OSBP2: variants seen among roughly 807,000 people sequenced by gnomAD.
OSBP2 encodes oxysterol binding protein 2.
OSBP2 carries 66 observed loss-of-function variants against 96.0 expected under a neutral mutation model. The ratio of observed to expected loss-of-function variants is 0.69; its 90% CI spans 0.56 to 0.84. The LOEUF (loss-of-function observed/expected upper bound fraction) is 0.84, where lower values mean the gene tolerates loss of function less well. Ranked by LOEUF, OSBP2 falls within the 40% of genes least tolerant of loss-of-function variation. The probability of loss-of-function intolerance (pLI) is 0.00; values close to 1 mark genes in which losing one functional copy is unlikely to be tolerated. For missense variants in OSBP2, 1,038 were observed against 1,222.7 expected (o/e 0.85, Z 2.25); for synonymous variants, 525 against 520.9 (o/e 1.01, Z -0.11).
intron 2 of OSBP2, among the ~76,000 whole-genome samples, chr22:30,809,925 G>A (rs77639824): frequency 5.6e-4 from 86 of 152,258 alleles, no homozygotes; most frequent in African/African-American, 2.0e-3. Context: ...GTCTCTGGCT[G>A]GTGCCTAGGG....
chr22:30,847,796 T>C (rs923068105), intron 2 of OSBP2, among the ~76,000 whole-genome samples: 9 of 152,226 alleles, frequency 5.9e-5, no homozygotes, highest in African/African-American at 2.2e-4. Flanking sequence ...TCCTTGTTGT[T>C]CTTTGTCTGT....
At chr22:30,774,564 A>C (rs1479989076) in intron 2 of OSBP2, among the ~76,000 whole-genome samples, 1 of 152,240 alleles carries the variant, frequency 6.6e-6, no homozygotes, top group Non-Finnish European at 1.5e-5. Context: ...GTTTTGTAAA[A>C]ATATTTGATG....
chr22:30,728,268 T>C (rs1195219295), intron 1 of OSBP2, among the ~76,000 whole-genome samples: 7 of 150,456 alleles, frequency 4.7e-5, no homozygotes, highest in East Asian at 2.0e-4. Flanking sequence ...TGGTGGTGGG[T>C]GCCTGTGGTC....
intron 2 of OSBP2, among the ~76,000 whole-genome samples, chr22:30,804,906 A>G (rs2090906610): frequency 6.6e-6 from 1 of 152,166 alleles, no homozygotes; most frequent in Non-Finnish European, 1.5e-5. Context: ...GCAGTAGGAC[A>G]TCGTTTTTGT....
At chr22:30,742,379 C>T (rs1435057316) in intron 2 of OSBP2, among the ~76,000 whole-genome samples, 7 of 151,358 alleles carry the variant, frequency 4.6e-5, no homozygotes, top group Non-Finnish European at 1.0e-4. Flanking sequence ...TTGCAGTGAG[C>T]CAAGATTGCA....
chr22:30,866,183 G>C (rs899297853), intron 2 of OSBP2, among the ~76,000 whole-genome samples: 2 of 152,212 alleles, frequency 1.3e-5, no homozygotes, highest in Non-Finnish European at 2.9e-5. Flanking sequence ...GGATGTTGCA[G>C]ATACAATGAA....
Position 30,694,919 on chromosome 22 carries a change from G to A in OSBP2, c.10G>A (p.Ala4Thr), listed in dbSNP as rs752295297. Residue 4 changes from alanine to threonine, a missense_variant, in exon 1 of 14, where the codon GCG (alanine) becomes ACG (threonine). Transcript: ENST00000332585. MGK[A>T]AAPSRGGGCG... ...CGGGTCGGCCGGCTCTATGGGGAAA[G>A]CGGCGGCTCCGAGCCGAGGCGGCGG... is the stretch of plus-strand genomic sequence containing the variant. 21 of 1,437,256 alleles carry A rather than the reference G, an allele frequency of 1.5e-5. No individual in the cohort carries two copies. The highest frequency in any genetic ancestry group is 1.6e-5 in the Non-Finnish European group (18 of 1,101,888). 89.0% of individuals were successfully genotyped at this position (1,437,256 alleles called of 1,614,324 possible). A position where few individuals can be genotyped will look rare whatever the true frequency, so the allele number is the denominator to read the frequency against.
At chr22:30,769,307 T>A (rs149191412) in intron 2 of OSBP2, among the ~76,000 whole-genome samples, 29 of 152,298 alleles carry the variant, frequency 1.9e-4, no homozygotes, top group African/African-American at 5.3e-4. Context: ...GGACAAATAA[T>A]GTCTACATAA....
intron 2 of OSBP2, among the ~76,000 whole-genome samples, chr22:30,804,206 AG>A (rs2090895629): frequency 6.6e-6 from 1 of 152,026 alleles, no homozygotes; most frequent in South Asian, 2.1e-4. Flanking sequence ...GAGGAGAGGG[AG>A]TGGAGAGGGG....
Position 30,906,681 on chromosome 22 carries a change from T to C in OSBP2, c.*342T>C, listed in dbSNP as rs2040344008. On this transcript the variant is annotated 3_prime_UTR_variant, in exon 14 of 14. Coordinates refer to ENST00000332585, the MANE Select transcript of OSBP2 (RefSeq NM_030758.4). ...ACCAGCCCCCAACCCAGGGAGGAAC[T>C]GGCCCCTCCTAGGGAGCCTCTTCGA... is the stretch of plus-strand genomic sequence containing the variant. The C allele has an allele frequency of 8.5e-6, 2 of 235,528 alleles. No individual in the cohort carries two copies. The highest frequency in any genetic ancestry group is 1.6e-5 in the Non-Finnish European group (2 of 122,788). The allele number at this position is 235,528 out of a possible 1,614,324, so 14.6% of individuals were successfully genotyped here. A position where few individuals can be genotyped will look rare whatever the true frequency, so the allele number is the denominator to read the frequency against.
At chr22:30,758,724 G>A (rs918387439) in intron 2 of OSBP2, among the ~76,000 whole-genome samples, 2 of 152,158 alleles carry the variant, frequency 1.3e-5, no homozygotes, top group Non-Finnish European at 2.9e-5. Context: ...AGTAGGAAGA[G>A]CTCTGGGCCC....
chr22:30,727,773 A>C (rs2089674877), intron 1 of OSBP2, among the ~76,000 whole-genome samples: 1 of 152,132 alleles, frequency 6.6e-6, no homozygotes, highest in Admixed American at 6.6e-5. Context: ...TCATAAAATG[A>C]ACACCCTGAA....
intron 3 of OSBP2, among the ~76,000 whole-genome samples, chr22:30,874,567 C>G (rs1233259107): frequency 6.6e-6 from 1 of 152,162 alleles, no homozygotes; most frequent in Non-Finnish European, 1.5e-5. Context: ...GAGCCCAGGA[C>G]CCACAGCTAG....
intron 1 of OSBP2, among the ~76,000 whole-genome samples, chr22:30,700,707 T>C (rs777858340): frequency 2.6e-5 from 4 of 152,124 alleles, no homozygotes; most frequent in Non-Finnish European, 5.9e-5. Context: ...GCTTAGTAAA[T>C]GGCTAAGCCA....
At chr22:30,803,691 A>G (rs1166974836) in intron 2 of OSBP2, among the ~76,000 whole-genome samples, 3 of 152,208 alleles carry the variant, frequency 2.0e-5, no homozygotes, top group African/African-American at 7.2e-5. Flanking sequence ...CTGAGCTGCC[A>G]TGATCAGGGC....
intron 1 of OSBP2, among the ~76,000 whole-genome samples, chr22:30,732,440 G>GGTAGAGTCACTCCCCTGGCA (rs898112553): frequency 2.6e-5 from 4 of 151,970 alleles, no homozygotes; most frequent in South Asian, 2.1e-4. Flanking sequence ...GACCCCTGGC[G>GGTAGAGTCACTCCCCTGGCA]GTAGAGTCAC....
At chr22:30,722,118 C>G (rs1032119908) in intron 1 of OSBP2, among the ~76,000 whole-genome samples, 1 of 152,212 alleles carries the variant, frequency 6.6e-6, no homozygotes, top group Non-Finnish European at 1.5e-5. Context: ...ACCCTGCCAG[C>G]TCCCAGCTTC....
At chr22:30,887,076 C>T (rs940444180) in intron 3 of OSBP2, among the ~76,000 whole-genome samples, 3 of 152,130 alleles carry the variant, frequency 2.0e-5, no homozygotes, top group African/African-American at 7.2e-5. Context: ...CCTTTTTAGA[C>T]CATAGAGGAT....
intron 1 of OSBP2, among the ~76,000 whole-genome samples, chr22:30,706,732 T>G (rs897989688): frequency 6.6e-6 from 1 of 152,118 alleles, no homozygotes; most frequent in Non-Finnish European, 1.5e-5. Flanking sequence ...CAAACTTGCC[T>G]TACTCCCCCT....
Sources: allele counts gnomAD v4.1 joint callset (sites outside exome capture counted in the v4.1 genomes callset), GRCh38; gene constraint gnomAD v4.1.1; transcripts MANE v1.5; gene names NCBI Gene and HGNC (gene_info 2026-07-23, HGNC 2026-07-21).